The following KHDRBS2 variants were observed in gnomAD, a reference collection of about 807,000 sequenced individuals.
The protein encoded by KHDRBS2 is KH domain-containing, RNA-binding, signal transduction-associated protein 2.
Under a neutral mutation model 44.3 loss-of-function variants are expected in KHDRBS2, and 26 were observed. That is an observed-to-expected ratio of 0.59 (90% CI 0.43 to 0.81). The LOEUF (loss-of-function observed/expected upper bound fraction) is 0.81. Among genes scored for constraint, KHDRBS2 ranks in the 40% least tolerant of loss-of-function variants. The probability of loss-of-function intolerance (pLI) is 0.00; values close to 1 mark genes in which losing one functional copy is unlikely to be tolerated. For synonymous variants in KHDRBS2, 194 were observed against 151.1 expected (o/e 1.28, Z -2.08); for missense variants, 476 against 433.1 (o/e 1.10, Z -0.88).
intron 6 of KHDRBS2, among the ~76,000 whole-genome samples, chr6:61,807,966 T>A (rs1787437809): frequency 1.3e-5 from 2 of 152,132 alleles, no homozygotes; most frequent in Admixed American, 1.3e-4. Flanking sequence ...TCAAGTGTCA[T>A]GTTACGGAGA....
chr6:61,548,647 C>T, the KHDRBS2 span, among the ~76,000 whole-genome samples: 8 of 152,012 alleles, frequency 5.3e-5, no homozygotes, highest in African/African-American at 1.9e-4. Flanking sequence ...CATTTTACAG[C>T]TTTGTCTCTA....
chr6:62,191,223 C>T (rs1271299184), intron 1 of KHDRBS2, among the ~76,000 whole-genome samples: 1 of 152,138 alleles, frequency 6.6e-6, no homozygotes, highest in African/African-American at 2.4e-5. Flanking sequence ...AATTGATCAA[C>T]CGTTCTAGTC....
chr6:61,565,778 G>T, the KHDRBS2 span, among the ~76,000 whole-genome samples: 1 of 152,078 alleles, frequency 6.6e-6, no homozygotes, highest in African/African-American at 2.4e-5. Context: ...AAAACAGTAT[G>T]AAGATTCAAA....
At chr6:61,954,614 A>G (rs1489404380) in intron 4 of KHDRBS2, among the ~76,000 whole-genome samples, 2 of 143,528 alleles carry the variant, frequency 1.4e-5, no homozygotes, top group Non-Finnish European at 3.0e-5. Flanking sequence ...ATACTTATGT[A>G]TACATATATA....
chr6:61,954,542 A>G (rs549606417), intron 4 of KHDRBS2, among the ~76,000 whole-genome samples: 6 of 147,424 alleles, frequency 4.1e-5, no homozygotes, highest in Non-Finnish European at 6.0e-5. Context: ...GTATGTATAC[A>G]TATATATGTA....
chr6:62,129,795 G>A (rs1161114789), intron 2 of KHDRBS2, among the ~76,000 whole-genome samples: 1 of 152,052 alleles, frequency 6.6e-6, no homozygotes. Flanking sequence ...ATTAGGTAGT[G>A]CAGATAGATG....
chr6:61,823,804 A>ATT (rs1790399980), intron 6 of KHDRBS2, among the ~76,000 whole-genome samples: 1 of 152,098 alleles, frequency 6.6e-6, no homozygotes, highest in South Asian at 2.1e-4. Context: ...ATGTGTGGCT[A>ATT]CTCAAAATTT....
At chr6:61,989,766 G>C (rs1775778648) in intron 3 of KHDRBS2, among the ~76,000 whole-genome samples, 1 of 152,134 alleles carries the variant, frequency 6.6e-6, no homozygotes, top group African/African-American at 2.4e-5. Context: ...AGATGCTGTT[G>C]ATACTCTGCT....
At chr6:61,948,064 G>A (rs1431664705) in intron 4 of KHDRBS2, among the ~76,000 whole-genome samples, 1 of 151,774 alleles carries the variant, frequency 6.6e-6, no homozygotes, top group African/African-American at 2.4e-5. Flanking sequence ...TTCACCTAAG[G>A]ACAATATATG....
At chr6:62,201,258 C>T (rs1319951263) in intron 1 of KHDRBS2, among the ~76,000 whole-genome samples, 1 of 151,678 alleles carries the variant, frequency 6.6e-6, no homozygotes, top group Admixed American at 6.6e-5. Flanking sequence ...AGAGTAGGGA[C>T]AAGAATTCTA....
the KHDRBS2 span, among the ~76,000 whole-genome samples, chr6:61,641,777 T>G: frequency 2.7e-3 from 407 of 152,292 alleles, 2 homozygotes; most frequent in African/African-American, 9.4e-3. Context: ...GTTAAAGGGC[T>G]GATAGAAAGA....
intron 8 of KHDRBS2, among the ~76,000 whole-genome samples, chr6:61,689,504 A>G (rs1390664125): frequency 1.3e-5 from 2 of 151,872 alleles, no homozygotes; most frequent in South Asian, 2.1e-4. Flanking sequence ...TGGCCTATCT[A>G]TGGGCATCCC....
chr6:61,781,469 T>C (rs1477586892), intron 6 of KHDRBS2, among the ~76,000 whole-genome samples: 3 of 152,146 alleles, frequency 2.0e-5, no homozygotes, highest in Non-Finnish European at 4.4e-5. Flanking sequence ...AGATCTATGA[T>C]TCAAGAGAAG....
chr6:62,143,696 T>TA (rs952060430), intron 2 of KHDRBS2, among the ~76,000 whole-genome samples: 60 of 151,316 alleles, frequency 4.0e-4, no homozygotes, highest in African/African-American at 1.3e-3. Flanking sequence ...AGATTATTAT[T>TA]TTTTTTCTCT....
intron 2 of KHDRBS2, among the ~76,000 whole-genome samples, chr6:62,133,337 GATAGTTTTATAA>G (rs1243686046): frequency 1.3e-5 from 2 of 152,158 alleles, no homozygotes; most frequent in African/African-American, 4.8e-5. Flanking sequence ...CATGAGATCT[GATAGTTTTATAA>G]GGGGAATCCC....
At chr6:62,185,787 T>G in intron 1 of KHDRBS2, among the ~76,000 whole-genome samples, 1 of 151,990 alleles carries the variant, frequency 6.6e-6, no homozygotes, top group East Asian at 1.9e-4. Flanking sequence ...CTTATCCAAA[T>G]TATAACCACT....
chr6:61,849,378 T>G (rs910075795), intron 6 of KHDRBS2, among the ~76,000 whole-genome samples: 57 of 152,082 alleles, frequency 3.7e-4, no homozygotes, highest in Non-Finnish European at 1.5e-4. Context: ...TTTTCCTTAT[T>G]AACAGAACAA....
chr6:62,128,323 T>C (rs1245104611), intron 2 of KHDRBS2, among the ~76,000 whole-genome samples: 2 of 152,110 alleles, frequency 1.3e-5, no homozygotes, highest in Non-Finnish European at 2.9e-5. Flanking sequence ...GTTCCTGTGA[T>C]TGGATATTTC....
chr6:61,688,391 C>T (rs77102189), intron 8 of KHDRBS2, among the ~76,000 whole-genome samples: 28 of 151,828 alleles, frequency 1.8e-4, no homozygotes, highest in East Asian at 9.8e-4. Context: ...CAAAAGACTG[C>T]GGAATTCAGC....
Sources: gnomAD v4.1 joint callset for allele counts (sites outside exome capture counted in the v4.1 genomes callset) on GRCh38, gnomAD v4.1.1 for gene constraint, MANE v1.5 for transcripts, NCBI Gene and HGNC (gene_info 2026-07-23, HGNC 2026-07-21) for gene names.